Variants in RASEF observed in about 807,000 individuals in gnomAD.
RASEF encodes the protein ras and EF-hand domain-containing protein.
RASEF carries 68 observed loss-of-function variants against 90.1 expected under a neutral mutation model. That is an observed-to-expected ratio of 0.75 (90% confidence interval 0.62 to 0.92). The LOEUF (loss-of-function observed/expected upper bound fraction) is 0.92, where lower values mean the gene tolerates loss of function less well. Ranked by LOEUF, RASEF falls within the 40% of genes least tolerant of loss-of-function variation. The pLI is 0.00. For missense variants in RASEF, 949 were observed against 937.2 expected (o/e 1.01, Z -0.16); for synonymous variants, 331 against 345.2 (o/e 0.96, Z 0.46).
At chr9:83,104,441 T>C in the RASEF span, among the ~76,000 whole-genome samples, 2 of 152,142 alleles carry the variant, frequency 1.3e-5, no homozygotes, top group Non-Finnish European at 2.9e-5. Context: ...GCGAGAAACA[T>C]TGAGTCAGTC....
chr9:83,037,744 ATTTTTTTTT>A (rs35483330), intron 1 of RASEF, among the ~76,000 whole-genome samples: 1 of 131,862 alleles, frequency 7.6e-6, no homozygotes, highest in African/African-American at 2.8e-5. Flanking sequence ...TAAATGTCCT[ATTTTTTTTT>A]TTTTTTTTTG....
chr9:83,041,593 C>T (rs1415073098), intron 1 of RASEF, among the ~76,000 whole-genome samples: 2 of 152,246 alleles, frequency 1.3e-5, no homozygotes, highest in African/African-American at 2.4e-5. Context: ...GAGAGGCTCC[C>T]GGTCTCACTC....
the RASEF span, among the ~76,000 whole-genome samples, chr9:83,074,161 G>C: frequency 1.3e-5 from 2 of 152,140 alleles, no homozygotes; most frequent in Non-Finnish European, 2.9e-5. Flanking sequence ...CAGGTCAGAA[G>C]TGATGGTGCA....
In RASEF at chr9:83,062,944, C is replaced by T. The variant is rs1229407660; in HGVS notation, c.-77G>A. On this transcript the variant is annotated 5_prime_UTR_variant, in exon 1 of 17. Coordinates refer to ENST00000376447, the MANE Select transcript of RASEF (RefSeq NM_152573.4). ...GCCCTCCCTGGAAGGACGGGGCCAC[C>T]TGCTGCCGCCGGGAGGCCCGGCGAG... 9.0e-6 allele frequency: 12 copies of T among 1,336,900 alleles called. No individual in the cohort carries two copies. Among genetic ancestry groups the T allele is most frequent in the Non-Finnish European group, 1.2e-5 (12 of 1,042,934 alleles). 82.8% of individuals were successfully genotyped at this position (1,336,900 alleles called of 1,614,324 possible).
chr9:83,132,750 G>C, the RASEF span, among the ~76,000 whole-genome samples: 1 of 152,194 alleles, frequency 6.6e-6, no homozygotes, highest in Non-Finnish European at 1.5e-5. Flanking sequence ...TATTATCAAG[G>C]GATAACTTTG....
the RASEF span, among the ~76,000 whole-genome samples, chr9:83,197,824 C>T: frequency 1.3e-5 from 2 of 152,180 alleles, no homozygotes; most frequent in Admixed American, 6.5e-5. Context: ...ACGACTTGGC[C>T]ACCTACCAAC....
chr9:83,202,841 G>C, the RASEF span, among the ~76,000 whole-genome samples: 32 of 152,026 alleles, frequency 2.1e-4, no homozygotes, highest in African/African-American at 7.5e-4. Context: ...AAGTATGTGA[G>C]GCACTACATA....
chr9:83,084,022 A>G, the RASEF span, among the ~76,000 whole-genome samples: 8 of 152,128 alleles, frequency 5.3e-5, no homozygotes, highest in African/African-American at 1.9e-4. Context: ...TTTATTTTAT[A>G]TTCATATAAT....
At chr9:83,082,396 C>T in the RASEF span, among the ~76,000 whole-genome samples, 1 of 152,156 alleles carries the variant, frequency 6.6e-6, no homozygotes. Flanking sequence ...CCTACATCAC[C>T]CATGGGAGCT....
intron 1 of RASEF, among the ~76,000 whole-genome samples, chr9:83,046,978 T>C (rs1257292423): frequency 2.6e-5 from 4 of 152,128 alleles, no homozygotes; most frequent in Admixed American, 6.6e-5. Context: ...AAAGATACTA[T>C]TATGATGAAA....
upstream of RASEF, among the ~76,000 whole-genome samples, chr9:83,064,051 A>G (rs1170245860): frequency 1.3e-5 from 2 of 152,124 alleles, no homozygotes; most frequent in South Asian, 2.1e-4. Flanking sequence ...CTGACTCTGT[A>G]TTTTTCTTTT....
chr9:83,000,710 T>C lies in RASEF; in HGVS notation c.1438-140A>G, dbSNP rs1829017032. On this transcript the variant is annotated intron_variant, in intron 10 of 16. Coordinates refer to ENST00000376447, the MANE Select transcript of RASEF (RefSeq NM_152573.4). Reference sequence around the variant, plus strand: ...AGTCAATGCTATTAATATTAGGGAATAGAGTGACACTGAATGGCAATCTAT... The same window carrying C: ...AGTCAATGCTATTAATATTAGGGAACAGAGTGACACTGAATGGCAATCTAT... 8.7e-6 allele frequency: 8 copies of C among 923,004 alleles called. No homozygotes were observed. The South Asian group carries it at 1.1e-4, about 12-fold the overall frequency. 57.2% of individuals were successfully genotyped at this position (923,004 alleles called of 1,614,324 possible).
the RASEF span, among the ~76,000 whole-genome samples, chr9:83,155,156 A>G: frequency 6.6e-6 from 1 of 152,196 alleles, no homozygotes; most frequent in Non-Finnish European, 1.5e-5. Flanking sequence ...GTCCAAGAAC[A>G]ATGGGCAGCA....
chr9:83,042,656 T>A (rs1829862168), intron 1 of RASEF, among the ~76,000 whole-genome samples: 1 of 152,124 alleles, frequency 6.6e-6, no homozygotes, highest in Non-Finnish European at 1.5e-5. Context: ...AATATTATAA[T>A]TTCAAAATGA....
At chr9:83,182,553 C>T in the RASEF span, among the ~76,000 whole-genome samples, 3 of 152,142 alleles carry the variant, frequency 2.0e-5, no homozygotes, top group Non-Finnish European at 4.4e-5. Flanking sequence ...TTCATTAAAA[C>T]ATCTTCAATA....
At chr9:83,044,119 C>T (rs933059990) in intron 1 of RASEF, among the ~76,000 whole-genome samples, 6 of 152,268 alleles carry the variant, frequency 3.9e-5, no homozygotes, top group Admixed American at 1.3e-4. Context: ...GAACCCATTC[C>T]TACTGGAAAA....
intron 1 of RASEF, among the ~76,000 whole-genome samples, chr9:83,049,037 T>C (rs903754268): frequency 2.0e-5 from 3 of 151,634 alleles, no homozygotes; most frequent in Admixed American, 6.6e-5. Flanking sequence ...GGCAGGAGAA[T>C]TGCTTGAACC....
At chr9:83,123,540 C>T in the RASEF span, among the ~76,000 whole-genome samples, 1 of 148,160 alleles carries the variant, frequency 6.7e-6, no homozygotes, top group South Asian at 2.2e-4. Flanking sequence ...GCAAAAGATA[C>T]AGAATTGATC....
the RASEF span, among the ~76,000 whole-genome samples, chr9:83,181,562 A>G: frequency 3.9e-5 from 6 of 152,332 alleles, no homozygotes; most frequent in African/African-American, 1.4e-4. Flanking sequence ...CAAGAAACAG[A>G]TTTTTAAAAG....
Sources: gnomAD v4.1 joint callset for allele counts (sites outside exome capture counted in the v4.1 genomes callset) on GRCh38, gnomAD v4.1.1 for gene constraint, MANE v1.5 for transcripts, NCBI Gene and HGNC (gene_info 2026-07-23, HGNC 2026-07-21) for gene names.